Variants in LRRC8D observed in about 807,000 individuals in gnomAD.
The protein encoded by LRRC8D is leucine rich repeat containing 8 VRAC subunit D.
In LRRC8D, 20 loss-of-function variants were observed where a neutral mutation model predicts 55.8. The observed-to-expected ratio is 0.36, with a 90% confidence interval of 0.25 to 0.52. LRRC8D has a LOEUF of 0.52. Among genes scored for constraint, LRRC8D ranks in the 20% least tolerant of loss-of-function variants. LRRC8D has a pLI of 0.93. For missense variants in LRRC8D, 651 were observed against 1,030.8 expected, an observed-to-expected ratio of 0.63 and a Z score of 5.05; for synonymous variants, 352 against 377.0, an observed-to-expected ratio of 0.93 and a Z score of 0.77.
At chr1:89,880,456 A>ATTTT (rs199892284) in intron 2 of LRRC8D, among the ~76,000 whole-genome samples, 1 of 138,588 alleles carries the variant, frequency 7.2e-6, no homozygotes, top group African/African-American at 2.7e-5. Flanking sequence ...CCTAGGTTTG[A>ATTTT]TTTTTTTTTT....
intron 1 of LRRC8D, among the ~76,000 whole-genome samples, chr1:89,823,917 G>T (rs1310333366): frequency 6.6e-6 from 1 of 152,136 alleles, no homozygotes; most frequent in East Asian, 1.9e-4. Flanking sequence ...CAGAATATAC[G>T]ACTAATAAAG....
At chr1:89,834,299 G>T (rs1660953609) in intron 1 of LRRC8D, among the ~76,000 whole-genome samples, 1 of 152,184 alleles carries the variant, frequency 6.6e-6, no homozygotes, top group Non-Finnish European at 1.5e-5. Context: ...GCACTCTAGT[G>T]GGGTGGGAAA....
chr1:89,926,224 T>C (rs1570895873), intron 2 of LRRC8D, among the ~76,000 whole-genome samples: 1 of 152,366 alleles, frequency 6.6e-6, no homozygotes, highest in South Asian at 2.1e-4. Context: ...TATTACTTCG[T>C]ATTAAGGTGA....
At chr1:89,909,706 A>C (rs889496471) in intron 2 of LRRC8D, among the ~76,000 whole-genome samples, 6 of 152,022 alleles carry the variant, frequency 3.9e-5, no homozygotes, top group Non-Finnish European at 5.9e-5. Flanking sequence ...CTCTACTAAA[A>C]ATACAAAAAC....
chr1:89,874,698 A>G (rs552034532), intron 2 of LRRC8D, among the ~76,000 whole-genome samples: 3 of 152,308 alleles, frequency 2.0e-5, no homozygotes, highest in Admixed American at 2.0e-4. Flanking sequence ...AAGTATTGCA[A>G]TAATCTGAAT....
chr1:89,852,124 A>G (rs1661434615), intron 2 of LRRC8D, among the ~76,000 whole-genome samples: 1 of 152,122 alleles, frequency 6.6e-6, no homozygotes, highest in Non-Finnish European at 1.5e-5. Context: ...ATAATATAGA[A>G]TGTTCTAGGG....
chr1:89,824,508 C>T (rs1185858454), intron 1 of LRRC8D, among the ~76,000 whole-genome samples: 1 of 152,196 alleles, frequency 6.6e-6, no homozygotes, highest in East Asian at 1.9e-4. Flanking sequence ...TTGTTTAACC[C>T]CAGGAACCGT....
intron 1 of LRRC8D, among the ~76,000 whole-genome samples, chr1:89,837,484 G>A (rs1271583542): frequency 1.3e-5 from 2 of 152,228 alleles, no homozygotes; most frequent in African/African-American, 2.4e-5. Flanking sequence ...GTAAGAAAAT[G>A]TGTTGGTTAA....
chr1:89,866,950 T>G (rs1661867328), intron 2 of LRRC8D, among the ~76,000 whole-genome samples: 1 of 152,242 alleles, frequency 6.6e-6, no homozygotes, highest in Non-Finnish European at 1.5e-5. Context: ...GGTATTTTAT[T>G]AAGCCAAACA....
At chr1:89,829,082 T>C (rs1171515797) in intron 1 of LRRC8D, among the ~76,000 whole-genome samples, 1 of 152,196 alleles carries the variant, frequency 6.6e-6, no homozygotes, top group East Asian at 1.9e-4. Context: ...TTTTAAGAAA[T>C]ACTAGAAAAT....
intron 1 of LRRC8D, among the ~76,000 whole-genome samples, chr1:89,838,213 G>A (rs1661047114): frequency 6.6e-6 from 1 of 151,178 alleles, no homozygotes; most frequent in South Asian, 2.1e-4. Context: ...AAAAAAAAGG[G>A]GGGAAAAAAG....
At chr1:89,831,279 C>T (rs1557440671) in intron 1 of LRRC8D, among the ~76,000 whole-genome samples, 1 of 152,106 alleles carries the variant, frequency 6.6e-6, no homozygotes, top group Non-Finnish European at 1.5e-5. Flanking sequence ...TTTCCCAACC[C>T]CAGACACAAA....
At chr1:89,871,484 T>C (rs1662006070) in intron 2 of LRRC8D, among the ~76,000 whole-genome samples, 1 of 152,234 alleles carries the variant, frequency 6.6e-6, no homozygotes, top group Non-Finnish European at 1.5e-5. Flanking sequence ...TCATTTTATA[T>C]TGTGTTAGAC....
intron 2 of LRRC8D, among the ~76,000 whole-genome samples, chr1:89,920,933 A>C (rs1307178235): frequency 6.6e-6 from 1 of 152,222 alleles, no homozygotes; most frequent in Non-Finnish European, 1.5e-5. Flanking sequence ...TATTTCAATG[A>C]AAGATTTGAG....
chr1:89,934,123 T>A lies in LRRC8D; in HGVS notation c.1055T>A (p.Phe352Tyr). ...GAGCATCTGATTGGTTATGAGGTAT[T>A]TGAGTGCACCCACAATATGGCTTAC... ...KVEHLIGYEV[F>Y]ECTHNMAYML... Residue 352 changes from phenylalanine to tyrosine, a missense_variant, in exon 3 of 3, where the codon TTT (phenylalanine) becomes TAT (tyrosine). By Grantham distance (22) the Phe-to-Tyr change is conservative. Transcript: ENST00000337338. This position sits in a 1 kb window ranked among gnomAD's most constrained non-coding sequence, Gnocchi z 5.9. 1 of 1,614,214 alleles carries A rather than the reference T, an allele frequency of 6.2e-7. No homozygotes were observed. The highest frequency in any genetic ancestry group is 8.5e-7 in the Non-Finnish European group (1 of 1,180,050).
chr1:89,883,842 C>G (rs535376757), intron 2 of LRRC8D, among the ~76,000 whole-genome samples: 1 of 152,310 alleles, frequency 6.6e-6, no homozygotes, highest in Admixed American at 6.5e-5. Context: ...AGATTCTGTT[C>G]AGCACTAGCA....
At chr1:89,855,725 C>G (rs1661535833) in intron 2 of LRRC8D, among the ~76,000 whole-genome samples, 1 of 152,174 alleles carries the variant, frequency 6.6e-6, no homozygotes, top group Non-Finnish European at 1.5e-5. Flanking sequence ...TAATTATATA[C>G]TCTTCAAAGT....
At position 89,933,384 on chromosome 1, in the gene LRRC8D, A is replaced by G; in HGVS notation, c.316A>G (p.Thr106Ala). The G allele has an allele frequency of 1.2e-6, 2 of 1,614,146 alleles. No homozygotes were observed. Among genetic ancestry groups the G allele is most frequent in the Non-Finnish European group, 1.7e-6 (2 of 1,180,030 alleles). Residue 106 changes from threonine (T) to alanine (A), a missense_variant, in exon 3 of 3, where the codon ACA becomes GCA. By Grantham distance (58) the Thr-to-Ala change is moderately conservative (BLOSUM62 0). Coordinates refer to ENST00000337338, the MANE Select transcript of LRRC8D (RefSeq NM_001134479.2). This position sits in a 1 kb window ranked among gnomAD's most constrained non-coding sequence, Gnocchi z 7.0. The stretch of plus-strand genomic sequence containing the variant: ...CATTTCCTTTGGGACATCTGCTGTG[A>G]CACCTGACATACCTCTCAGAGCCAC... ...NDISFGTSAV[T>A]PDIPLRATYP... is the part of the protein sequence containing the mutation.
At chr1:89,931,142 T>C (rs1317253398) in intron 2 of LRRC8D, among the ~76,000 whole-genome samples, 1 of 150,472 alleles carries the variant, frequency 6.6e-6, no homozygotes, top group East Asian at 2.0e-4. Context: ...ACATAAGAGA[T>C]AATTTTGCTT....
Sources: allele counts gnomAD v4.1 joint callset (sites outside exome capture counted in the v4.1 genomes callset), GRCh38; gene constraint gnomAD v4.1.1; non-coding constraint Gnocchi (gnomAD v3.1); transcripts MANE v1.5; gene names NCBI Gene and HGNC (gene_info 2026-07-23, HGNC 2026-07-21).